CLASRP: variants seen among roughly 807,000 people sequenced by gnomAD.
CLASRP encodes the protein CLK4-associating serine/arginine rich protein.
In CLASRP, 52 loss-of-function variants were observed where a neutral mutation model predicts 99.9. The observed-to-expected ratio is 0.52, with a 90% CI of 0.42 to 0.66. The LOEUF (loss-of-function observed/expected upper bound fraction) is 0.66. CLASRP is among the 30% of genes least tolerant of loss of function. The probability of loss-of-function intolerance (pLI) is 0.00; values close to 1 mark genes in which losing one functional copy is unlikely to be tolerated. For synonymous variants in CLASRP, 379 were observed against 373.0 expected (o/e 1.02, Z -0.18); for missense variants, 848 against 999.2 (o/e 0.85, Z 2.04).
chr19:45,056,410 C>T (rs547328427), intron 5 of CLASRP, 40 bp from the exon 6 acceptor site: 2 of 1,589,092 alleles, frequency 1.3e-6, no homozygotes, highest in African/African-American at 1.3e-5. Context: ...TTCCTAGTGT[C>T]CCCAACCCAC....
intron 2 of CLASRP, among the ~76,000 whole-genome samples, chr19:45,047,001 T>C (rs1173261992): frequency 6.6e-6 from 1 of 152,106 alleles, no homozygotes; most frequent in Non-Finnish European, 1.5e-5. Flanking sequence ...CAGCCCAGCC[T>C]GGACAACAAG....
chr19:45,056,333 C>A, intron 5 of CLASRP, 117 bp from the exon 6 acceptor site: 1 of 797,642 alleles, frequency 1.3e-6, no homozygotes, highest in South Asian at 1.5e-5. Context: ...TGGTGACTGC[C>A]CCCCAAGGTG....
intron 19 of CLASRP, 88 bp from the exon 20 acceptor site, chr19:45,070,449 G>T (rs1250970052): frequency 8.4e-7 from 1 of 1,194,922 alleles, no homozygotes; most frequent in African/African-American, 1.5e-5. Flanking sequence ...AACCCCTGAA[G>T]TTCAGTTTTG....
chr19:45,070,860 GGTGGGGA>G lies in CLASRP; in HGVS notation c.*17_*23del. On this transcript the variant is annotated 3_prime_UTR_variant, in exon 21 of 21. Transcript: ENST00000221455. The stretch of plus-strand genomic sequence containing the variant: ...ACCGACATTAGGCAGAAGAGTGGGG[GGTGGGGA>G]GGACAAGGGGGTGGGTAAGGGGCTC... The G allele has an allele frequency of 6.5e-7, 1 of 1,541,030 alleles. No individual in the cohort carries two copies. The highest frequency in any genetic ancestry group is 1.4e-5 in the African/African-American group (1 of 73,666).
intron 2 of CLASRP, among the ~76,000 whole-genome samples, chr19:45,051,581 C>T (rs1406806905): frequency 6.6e-6 from 1 of 152,154 alleles, no homozygotes; most frequent in Non-Finnish European, 1.5e-5. Flanking sequence ...GTTGAGATTA[C>T]AGGCGTGAGC....
chr19:45,047,509 C>T (rs1478750519), intron 2 of CLASRP: 1 of 150,774 alleles, frequency 6.6e-6, no homozygotes, highest in African/African-American at 2.4e-5. Flanking sequence ...CGGGGATTAG[C>T]ATGGCCACTG....
At position 45,064,474 on chromosome 19, in the gene CLASRP, G is replaced by A; in HGVS notation, c.1253G>A (p.Arg418Gln). The change falls in exon 13 of 21, where the codon CGG becomes CAG. Residue 418 changes from arginine to glutamine, a missense_variant. Around this residue, in one of 8 missense-constraint regions of CLASRP, gnomAD observed 489 missense variants for 434.7 expected, o/e 1.12. Transcript: ENST00000221455. ...CGTTCCGGCCGCCACGCCCGCTCCC[G>A]GTCCCGCTCCTGGTCCCGCTCCCGC... ...YYRSGRHARS[R>Q]SRSWSRSRSR... 5 of 1,530,424 alleles carry A rather than the reference G, an allele frequency of 3.3e-6. No individual in the cohort carries two copies. The highest frequency in any genetic ancestry group is 4.4e-6 in the Non-Finnish European group (5 of 1,141,822). The allele number at this position is 1,530,424 out of a possible 1,614,324, so 94.8% of individuals were successfully genotyped here.
At chr19:45,068,289 G>A in intron 15 of CLASRP, 131 bp from the exon 16 acceptor site, 1 of 666,824 alleles carries the variant, frequency 1.5e-6, no homozygotes, top group Non-Finnish European at 2.8e-6. Context: ...TCCACAGCCT[G>A]CCCCTCCTCC....
intron 2 of CLASRP, among the ~76,000 whole-genome samples, chr19:45,048,275 G>T (rs1215489049): frequency 6.6e-6 from 1 of 150,912 alleles, no homozygotes; most frequent in African/African-American, 2.4e-5. Flanking sequence ...GGTGGCTCAT[G>T]CCTGTAATCC....
intron 11 of CLASRP, 112 bp downstream of exon 11, chr19:45,062,307 G>C (rs1966958706): frequency 1.3e-6 from 1 of 747,522 alleles, no homozygotes; most frequent in Admixed American, 2.0e-5. Context: ...CAAGATCACA[G>C]ACTGCATGAT....
chr19:45,042,311 C>T (rs886303440), intron 2 of CLASRP, among the ~76,000 whole-genome samples: 2 of 152,026 alleles, frequency 1.3e-5, no homozygotes, highest in Non-Finnish European at 2.9e-5. Context: ...CTCCTGGACT[C>T]TTCTAGGGAG....
intron 11 of CLASRP, among the ~76,000 whole-genome samples, 189 bp from the exon 12 acceptor site, chr19:45,063,823 A>G (rs1386717255): frequency 6.6e-6 from 1 of 152,122 alleles, no homozygotes; most frequent in Non-Finnish European, 1.5e-5. Context: ...TATTTAGCGA[A>G]GGCTGCATGG....
rs1018607444 is a variant in CLASRP, at chr19:45,060,137, C to T, written c.711-252C>T. ...GGACCACACATTTTATTCCCTTGCT[C>T]ATTATCTTCTCCCCTAGAATGTAAG... On this transcript the variant is annotated intron_variant, in intron 8 of 20. Transcript: ENST00000221455. This position sits in a 1 kb window ranked among gnomAD's most constrained non-coding sequence, Gnocchi z 4.6. Among the ~76,000 whole-genome samples the T allele has an allele frequency of 7.2e-5, 11 of 152,134 alleles. No individual in the cohort carries two copies. Among genetic ancestry groups the T allele is most frequent in the Admixed American group, 2.0e-4 (3 of 15,274 alleles).
intron 2 of CLASRP, among the ~76,000 whole-genome samples, chr19:45,042,511 T>TTATATATATATATATATA (rs527367247): frequency 6.7e-6 from 1 of 148,610 alleles, no homozygotes; most frequent in East Asian, 2.0e-4. Context: ...AAAAAAAAAT[T>TTATATATATATATATATA]TATATATATA....
chr19:45,064,722 G>T lies in CLASRP; in HGVS notation c.1409+92G>T, dbSNP rs113133682. 7.4e-5 allele frequency: 107 copies of T among 1,453,904 alleles called. No homozygotes were observed. The African/African-American group carries it at 1.3e-3, about 18-fold the overall frequency. The allele number at this position is 1,453,904 out of a possible 1,614,324, so 90.1% of individuals were successfully genotyped here. ...GTGCTCAGAGGGAGGAAACCTGGCC[G>T]TCCAGCTCAGAGAACACCCCATCTA... is the stretch of plus-strand genomic sequence containing the variant. On this transcript the variant is annotated intron_variant, in intron 13 of 20. Transcript: ENST00000221455.
chr19:45,067,925 TG>T lies in CLASRP; in HGVS notation c.1668-88del. 1.0e-6 allele frequency: 1 copy of T among 983,818 alleles called. No individual in the cohort carries two copies. The highest frequency in any genetic ancestry group is 1.6e-6 in the Non-Finnish European group (1 of 609,334). The allele number at this position is 983,818 out of a possible 1,614,324, so 60.9% of individuals were successfully genotyped here. ...ATCTGAGGCCCATGCCTTGGCTACC[TG>T]GTCTGAGGGCAGTGCTGAGGCTGGG... On this transcript the variant is annotated intron_variant, in intron 14 of 20. Transcript: ENST00000221455. This position sits in a 1 kb window ranked among gnomAD's most constrained non-coding sequence, Gnocchi z 4.9.
intron 5 of CLASRP, among the ~76,000 whole-genome samples, chr19:45,055,723 C>G (rs1205446966): frequency 6.6e-6 from 1 of 152,166 alleles, no homozygotes; most frequent in Non-Finnish European, 1.5e-5. Flanking sequence ...ATCCCAGCTA[C>G]TGGGGAGGCT....
chr19:45,043,411 C>CAA (rs34898629), intron 2 of CLASRP, among the ~76,000 whole-genome samples: 5,098 of 79,178 alleles, frequency 0.064, 3 homozygotes, highest in African/African-American at 0.092. Flanking sequence ...GACTCCGTCC[C>CAA]AAAAAAAAAA....
chr19:45,066,622 CAAAAAAAAAA>C (rs35834419), intron 13 of CLASRP, among the ~76,000 whole-genome samples: 10 of 18,642 alleles, frequency 5.4e-4, no homozygotes, highest in African/African-American at 1.3e-3. Context: ...GAGACTGTCT[CAAAAAAAAAA>C]AAAAAAAAAA....
Sources: allele counts gnomAD v4.1 joint callset (sites outside exome capture counted in the v4.1 genomes callset), GRCh38; gene constraint gnomAD v4.1.1; regional missense constraint gnomAD v4.1.1; non-coding constraint Gnocchi (gnomAD v3.1); transcripts MANE v1.5; gene names NCBI Gene and HGNC (gene_info 2026-07-23, HGNC 2026-07-21).